Variants in AP3S1 observed in about 807,000 individuals in gnomAD.
AP3S1 encodes the protein adaptor related protein complex 3 subunit sigma 1.
A neutral mutation model predicts 21.3 loss-of-function variants in AP3S1; 12 were observed. That is an observed-to-expected ratio of 0.56 (90% CI 0.36 to 0.91). The LOEUF (loss-of-function observed/expected upper bound fraction) is 0.91, where lower values mean the gene tolerates loss of function less well. Ranked by LOEUF, AP3S1 falls within the 40% of genes least tolerant of loss-of-function variation. The probability of loss-of-function intolerance (pLI) is 0.01; values close to 1 mark genes in which losing one functional copy is unlikely to be tolerated. For missense variants in AP3S1, 116 were observed against 225.0 expected, an observed-to-expected ratio of 0.52 and a Z score of 3.10; for synonymous variants, 48 against 78.4, an observed-to-expected ratio of 0.61 and a Z score of 2.05.
At chr5:115,871,744 T>C (rs555226966) in intron 3 of AP3S1, among the ~76,000 whole-genome samples, 1 of 152,278 alleles carries the variant, frequency 6.6e-6, no homozygotes, top group African/African-American at 2.4e-5. Context: ...CCTTAGCTCA[T>C]TGAGTCCTTT....
At chr5:115,859,782 G>C (rs1320599627) in intron 1 of AP3S1, among the ~76,000 whole-genome samples, 1 of 152,212 alleles carries the variant, frequency 6.6e-6, no homozygotes, top group East Asian at 1.9e-4. Context: ...AGTTCCTACA[G>C]AGTTATGTTC....
In AP3S1 at chr5:115,841,963, G is replaced by A. The variant is rs1201013929; in HGVS notation, c.-75G>A. On this transcript the variant is annotated 5_prime_UTR_variant, in exon 1 of 6. Transcript: ENST00000316788. The stretch of plus-strand genomic sequence containing the variant: ...GGGCGGGTGGGGAAGGATCGCAGGC[G>A]AGATTACGAGGCGAGGCTCGCGCGC... 1 of 1,505,022 alleles carries A rather than the reference G, an allele frequency of 6.6e-7. No individual in the cohort carries two copies. The highest frequency in any genetic ancestry group is 2.2e-5 in the Admixed American group (1 of 45,252). The allele number at this position is 1,505,022 out of a possible 1,614,324, so 93.2% of individuals were successfully genotyped here. A position where few individuals can be genotyped will look rare whatever the true frequency, so the allele number is the denominator to read the frequency against.
intron 5 of AP3S1, chr5:115,906,876 G>C: frequency 6.6e-7 from 1 of 1,508,770 alleles, no homozygotes; most frequent in Non-Finnish European, 8.8e-7. Context: ...TGCTGACTTT[G>C]AGAAATATGT....
At chr5:115,872,615 C>T (rs2112846815) in intron 3 of AP3S1, among the ~76,000 whole-genome samples, 1 of 152,144 alleles carries the variant, frequency 6.6e-6, no homozygotes, top group African/African-American at 2.4e-5. Flanking sequence ...CCCCAAGATC[C>T]CTTGGGTATA....
At chr5:115,895,223 A>C in intron 4 of AP3S1, 65 bp downstream of exon 4, 3 of 1,139,354 alleles carry the variant, frequency 2.6e-6, no homozygotes, top group Non-Finnish European at 1.2e-6. Context: ...TGTCATAGCA[A>C]AAATGGCTTT....
At chr5:115,890,922 T>A (rs1211765166) in intron 3 of AP3S1, among the ~76,000 whole-genome samples, 2 of 152,088 alleles carry the variant, frequency 1.3e-5, no homozygotes, top group Non-Finnish European at 2.9e-5. Flanking sequence ...ACAGTGAAAA[T>A]TTTCCTCTCT....
chr5:115,895,228 G>T, intron 4 of AP3S1, 70 bp downstream of exon 4: 3 of 1,052,422 alleles, frequency 2.9e-6, no homozygotes, highest in South Asian at 1.8e-5. Context: ...TAGCAAAAAT[G>T]GCTTTAATGA....
intron 2 of AP3S1, among the ~76,000 whole-genome samples, chr5:115,867,176 C>T (rs935366023): frequency 6.6e-6 from 1 of 152,180 alleles, no homozygotes; most frequent in East Asian, 1.9e-4. Context: ...TGAGATCACA[C>T]TTTGTATGCT....
At chr5:115,849,229 T>C (rs1762269650) in intron 1 of AP3S1, among the ~76,000 whole-genome samples, 1 of 152,212 alleles carries the variant, frequency 6.6e-6, no homozygotes, top group South Asian at 2.1e-4. Flanking sequence ...AGATTGTAAT[T>C]AGTCTGAAGA....
chr5:115,846,996 A>G (rs1445449999), intron 1 of AP3S1, among the ~76,000 whole-genome samples: 2 of 152,178 alleles, frequency 1.3e-5, no homozygotes, highest in African/African-American at 4.8e-5. Context: ...TTTATTGTAG[A>G]TCCAATTTCT....
intron 1 of AP3S1, among the ~76,000 whole-genome samples, chr5:115,856,212 A>G (rs2112795951): frequency 6.6e-6 from 1 of 152,322 alleles, no homozygotes; most frequent in South Asian, 2.1e-4. Context: ...GCTAAGTTAA[A>G]TAAGGAAAAT....
chr5:115,881,195 T>A (rs1749252937), intron 3 of AP3S1, among the ~76,000 whole-genome samples: 1 of 152,236 alleles, frequency 6.6e-6, no homozygotes. Flanking sequence ...TTAGCCTGTT[T>A]ACATTTAAGG....
intron 3 of AP3S1, among the ~76,000 whole-genome samples, chr5:115,881,039 T>C (rs1749234057): frequency 6.6e-6 from 1 of 152,114 alleles, no homozygotes. Flanking sequence ...TTTTTTTGCT[T>C]TCCATTTTCT....
chr5:115,901,096 T>G (rs1751167372), intron 4 of AP3S1, among the ~76,000 whole-genome samples: 1 of 152,226 alleles, frequency 6.6e-6, no homozygotes, highest in Non-Finnish European at 1.5e-5. Flanking sequence ...CACCAGTCTC[T>G]TTTATGGTTT....
chr5:115,871,574 A>G (rs1748254127), intron 3 of AP3S1, among the ~76,000 whole-genome samples: 1 of 152,062 alleles, frequency 6.6e-6, no homozygotes, highest in African/African-American at 2.4e-5. Context: ...CTCTGATTTT[A>G]CTGATGTCTT....
intron 1 of AP3S1, among the ~76,000 whole-genome samples, chr5:115,851,603 C>A (rs1762443055): frequency 6.6e-6 from 1 of 151,964 alleles, no homozygotes; most frequent in South Asian, 2.1e-4. Context: ...GTTTATTGAC[C>A]ATTTGTATGT....
intron 5 of AP3S1, among the ~76,000 whole-genome samples, chr5:115,910,822 C>A (rs1044156322): frequency 4.6e-5 from 7 of 151,946 alleles, no homozygotes; most frequent in Non-Finnish European, 7.4e-5. Flanking sequence ...CTTTTTAAAA[C>A]GTTAGTTTAA....
At chr5:115,895,892 C>T (rs1361822314) in intron 4 of AP3S1, among the ~76,000 whole-genome samples, 2 of 152,040 alleles carry the variant, frequency 1.3e-5, no homozygotes, top group Non-Finnish European at 2.9e-5. Flanking sequence ...GATTTGATGG[C>T]TTATTGAAAG....
intron 1 of AP3S1, among the ~76,000 whole-genome samples, chr5:115,844,161 C>A (rs1761885135): frequency 6.6e-6 from 1 of 152,108 alleles, no homozygotes; most frequent in African/African-American, 2.4e-5. Context: ...AGACCATAAC[C>A]TTTTTGAGGG....
Sources: gnomAD v4.1 joint callset for allele counts (sites outside exome capture counted in the v4.1 genomes callset) on GRCh38, gnomAD v4.1.1 for gene constraint, MANE v1.5 for transcripts, NCBI Gene and HGNC (gene_info 2026-07-23, HGNC 2026-07-21) for gene names.